Variants in ZNF761 observed in about 807,000 individuals in gnomAD.
The protein encoded by ZNF761 is zinc finger protein 761.
ZNF761 carries 43 observed loss-of-function variants against 59.9 expected under a neutral mutation model. The ratio of observed to expected loss-of-function variants is 0.72; its 90% CI spans 0.56 to 0.92. ZNF761 has a LOEUF of 0.92. ZNF761 is among the 40% of genes least tolerant of loss of function. The pLI is 0.00. For synonymous variants in ZNF761, 294 were observed against 304.8 expected, an observed-to-expected ratio of 0.96 and a Z score of 0.37; for missense variants, 850 against 906.1, an observed-to-expected ratio of 0.94 and a Z score of 0.79.
chr19:53,451,592 C>CT (rs1007532532), intron 4 of ZNF761, among the ~76,000 whole-genome samples: 143 of 151,402 alleles, frequency 9.4e-4, no homozygotes, highest in African/African-American at 3.4e-3. Context: ...TCATTTCTTT[C>CT]TTTTTTTTAA....
chr19:53,450,510 G>A (rs902043160), intron 4 of ZNF761, among the ~76,000 whole-genome samples: 3 of 152,084 alleles, frequency 2.0e-5, no homozygotes, highest in East Asian at 3.9e-4. Flanking sequence ...TGTGTTTCTT[G>A]TAGGTTTTTT....
intron 1 of ZNF761, chr19:53,444,611 G>T (rs1231802971): frequency 6.6e-6 from 1 of 152,250 alleles, no homozygotes; most frequent in Non-Finnish European, 1.5e-5. Flanking sequence ...AGAGACCAGT[G>T]CCGATGCGGG....
At position 53,432,531 on chromosome 19, in the gene ZNF761, C is replaced by T. The variant is rs904373192; in HGVS notation, c.-185+503C>T. Among the ~76,000 whole-genome samples, 35 of 152,232 alleles carry T rather than the reference C, an allele frequency of 2.3e-4. 1 individual carries two copies. The highest frequency in any genetic ancestry group is 6.8e-3 in the Middle Eastern group (2 of 294). ...CTCCACAATCACCGCTTCCCCTGAGCCCGCGTTGGGGAGGTGCCCGGGGCC... is the reference window on the plus strand; with the variant it reads ...CTCCACAATCACCGCTTCCCCTGAGTCCGCGTTGGGGAGGTGCCCGGGGCC... On this transcript the variant is annotated intron_variant, in intron 1 of 4. Transcript: ENST00000684525.
intron 4 of ZNF761, among the ~76,000 whole-genome samples, chr19:53,452,581 A>G (rs994621744): frequency 1.3e-5 from 2 of 152,144 alleles, no homozygotes; most frequent in African/African-American, 2.4e-5. Context: ...AAAGAGAAAT[A>G]GCTTAAACTG....
intron 1 of ZNF761, among the ~76,000 whole-genome samples, chr19:53,433,040 G>GGTTAAGCGGAA (rs2085990887): frequency 1.8e-5 from 1 of 54,712 alleles, no homozygotes; most frequent in Non-Finnish European, 3.9e-5. Context: ...TAGAGAGTGG[G>GGTTAAGCGGAA]GACAGGGGGG....
chr19:53,456,050 C>G lies in ZNF761; in HGVS notation c.1543C>G (p.Leu515Val), dbSNP rs2086266915. Residue 515 changes from leucine to valine, a missense_variant, in exon 5 of 5, where the codon CTT becomes GTT. Transcript: ENST00000684525. ...RKSYLTCHHR[L>V]HTGEKAYKCN... ...GTCATACCTCACATGCCATCATAGA[C>G]TTCATACTGGAGAGAAAGCTTACAA... 3 of 1,612,654 alleles carry G rather than the reference C, an allele frequency of 1.9e-6. No individual in the cohort carries two copies. The highest frequency in any genetic ancestry group is 2.5e-6 in the Non-Finnish European group (3 of 1,179,528).
chr19:53,447,350 G>C, intron 3 of ZNF761, 67 bp downstream of exon 3: 1 of 1,595,346 alleles, frequency 6.3e-7, no homozygotes, highest in Non-Finnish European at 8.6e-7. Flanking sequence ...CTTGGAGTTG[G>C]GAATCTTCTC....
chr19:53,456,216 G>A lies in ZNF761; in HGVS notation c.1709G>A (p.Arg570Lys). Reference sequence around the variant, plus strand: ...CAGTTAACCCTTAAACGCCATCGTAGACTTCATAGTGGAGAGAACCCTTAC... The same window carrying A: ...CAGTTAACCCTTAAACGCCATCGTAAACTTCATAGTGGAGAGAACCCTTAC... ...NQQLTLKRHR[R>K]LHSGENPYKC... Residue 570 changes from arginine (R) to lysine (K), a missense_variant, in exon 5 of 5, where the codon AGA (arginine) becomes AAA (lysine). By Grantham distance (26) the Arg-to-Lys change is conservative. Transcript: ENST00000684525. 2 of 1,613,972 alleles carry A rather than the reference G, an allele frequency of 1.2e-6. No individual in the cohort carries two copies. Among genetic ancestry groups the A allele is most frequent in the Non-Finnish European group, 8.5e-7 (1 of 1,179,982 alleles).
rs540245783 is a variant in ZNF761, at chr19:53,432,474, T to C, written c.-185+446T>C. 1.2e-4 allele frequency among the ~76,000 whole-genome samples: 19 copies of C among 152,188 alleles called. 1 individual carries two copies. The South Asian group carries it at 2.5e-3, about 20-fold the overall frequency. ...GCTGTCGCCCCTTCACCTCCCTCCTTGTGCCGGGCCCTGCTGCTCCACGGG... is the reference window on the plus strand; with the variant it reads ...GCTGTCGCCCCTTCACCTCCCTCCTCGTGCCGGGCCCTGCTGCTCCACGGG... On this transcript the variant is annotated intron_variant, in intron 1 of 4. Coordinates refer to ENST00000684525, the MANE Select transcript of ZNF761 (RefSeq NM_001289951.2).
intron 4 of ZNF761, chr19:53,450,126 A>C (rs895780594): frequency 7.7e-6 from 2 of 260,900 alleles, no homozygotes; most frequent in Non-Finnish European, 1.4e-5. Context: ...AACATGGTGA[A>C]ACCCCGTCTC....
At chr19:53,449,385 C>T in intron 3 of ZNF761, 127 bp from the exon 4 acceptor site, 1 of 1,605,092 alleles carries the variant, frequency 6.2e-7, no homozygotes, top group East Asian at 2.2e-5. Flanking sequence ...GGTGAAAAAT[C>T]CCTTACTCAG....
chr19:53,448,412 A>G (rs1037437911), intron 3 of ZNF761, among the ~76,000 whole-genome samples: 1 of 152,164 alleles, frequency 6.6e-6, no homozygotes, highest in African/African-American at 2.4e-5. Context: ...TTTTGCCATA[A>G]TGCATCTCCT....
intron 1 of ZNF761, chr19:53,444,524 A>T (rs1018466202): frequency 4.6e-5 from 7 of 151,956 alleles, no homozygotes; most frequent in Admixed American, 2.0e-4. Context: ...CCCTCTCCCC[A>T]CCATTAGCCT....
rs564613020 is a variant in ZNF761, at chr19:53,437,265, C to A, written c.-185+5237C>A. Among the ~76,000 whole-genome samples, 5 of 151,702 alleles carry A rather than the reference C, an allele frequency of 3.3e-5. No individual in the cohort carries two copies. The South Asian group carries it at 8.3e-4, about 25-fold the overall frequency. ...CCTGGGAAGCAGAGGTTGCAGTGAGCCAAGATCGCACCACTGCACTCCAAC... is the reference window on the plus strand; with the variant it reads ...CCTGGGAAGCAGAGGTTGCAGTGAGACAAGATCGCACCACTGCACTCCAAC... On this transcript the variant is annotated intron_variant, in intron 1 of 4. Coordinates refer to ENST00000684525, the MANE Select transcript of ZNF761 (RefSeq NM_001289951.2).
At chr19:53,434,620 TC>T (rs907421951) in intron 1 of ZNF761, among the ~76,000 whole-genome samples, 9 of 152,342 alleles carry the variant, frequency 5.9e-5, no homozygotes, top group African/African-American at 1.7e-4. Flanking sequence ...AGTTAATTCT[TC>T]CAGTGAGTCT....
rs1271014639 is a variant in ZNF761 at position 53,455,372 on chromosome 19, C to T, written c.865C>T (p.Arg289Cys). The change falls in exon 5 of 5, where the codon CGT becomes TGT. Residue 289 changes from arginine to cysteine, a missense_variant. Transcript: ENST00000684525. ...TCAGACGTCATCCCTTACATGCCAT[C>T]GTAGACTTCATACTGGAGAGAAACC... ...FSQTSSLTCH[R>C]RLHTGEKPYK... 9.3e-6 allele frequency: 15 copies of T among 1,613,994 alleles called. No homozygotes were observed. Among genetic ancestry groups the T allele is most frequent in the East Asian group, 4.5e-5 (2 of 44,882 alleles).
At chr19:53,447,531 C>A (rs368264062) in intron 3 of ZNF761, among the ~76,000 whole-genome samples, 1 of 151,992 alleles carries the variant, frequency 6.6e-6, no homozygotes, top group Non-Finnish European at 1.5e-5. Flanking sequence ...TGGATGGAGA[C>A]GGGGTGAGGG....
chr19:53,447,302 T>C lies in ZNF761; in HGVS notation c.15+19T>C. 6.2e-7 allele frequency: 1 copy of C among 1,612,814 alleles called. No individual in the cohort carries two copies. ...TTCTCAGGTGAGATGATATTTTCAG[T>C]GGATTGTTCTGTCTCCTTCCTTTCA... On this transcript the variant is annotated intron_variant, in intron 3 of 4. Transcript: ENST00000684525.
At chr19:53,452,130 C>G (rs2086227338) in intron 4 of ZNF761, among the ~76,000 whole-genome samples, 1 of 152,144 alleles carries the variant, frequency 6.6e-6, no homozygotes, top group Non-Finnish European at 1.5e-5. Flanking sequence ...GGGCTGATCA[C>G]TTGAAATCAG....
Sources: gnomAD v4.1 joint callset for allele counts (sites outside exome capture counted in the v4.1 genomes callset) on GRCh38, gnomAD v4.1.1 for gene constraint, MANE v1.5 for transcripts, NCBI Gene and HGNC (gene_info 2026-07-23, HGNC 2026-07-21) for gene names.